DLC1: variants seen among roughly 807,000 people sequenced by gnomAD.
DLC1 encodes the protein rho GTPase-activating protein 7.
DLC1 carries 54 observed loss-of-function variants against 140.3 expected under a neutral mutation model. The observed-to-expected ratio is 0.38, with a 90% CI of 0.31 to 0.48. DLC1 has a LOEUF of 0.48. Among genes scored for constraint, DLC1 ranks in the 20% least tolerant of loss-of-function variants. The pLI, the probability that DLC1 is intolerant of heterozygous loss-of-function variation, is 0.96. For synonymous variants in DLC1, 986 were observed against 728.1 expected (o/e 1.35, Z -5.70); for missense variants, 2,536 against 1,907.0 (o/e 1.33, Z -6.14).
intron 5 of DLC1, among the ~76,000 whole-genome samples, chr8:13,181,275 A>T (rs1409176994): frequency 6.9e-6 from 1 of 145,724 alleles, no homozygotes; most frequent in African/African-American, 2.5e-5. Flanking sequence ...CAGCCTTCAC[A>T]TCTTTACTCA....
chr8:13,393,861 G>T (rs111521640), intron 3 of DLC1, among the ~76,000 whole-genome samples, 168 bp from the exon 4 acceptor site: 2 of 152,288 alleles, frequency 1.3e-5, no homozygotes, highest in East Asian at 3.9e-4. Context: ...TGCATTATTT[G>T]GTAAGAACCA....
chr8:13,180,536 G>T (rs1165196768), intron 5 of DLC1, among the ~76,000 whole-genome samples: 1 of 151,856 alleles, frequency 6.6e-6, no homozygotes, highest in Non-Finnish European at 1.5e-5. Flanking sequence ...ATGTACAATA[G>T]ACCATGGGTA....
intron 5 of DLC1, among the ~76,000 whole-genome samples, chr8:13,285,573 A>G (rs1285572224): frequency 2.0e-5 from 3 of 152,216 alleles, no homozygotes; most frequent in Non-Finnish European, 2.9e-5. Flanking sequence ...GCCCAACGTC[A>G]TAAGTCATTA....
rs564707183 is a variant in DLC1 at position 13,495,929 on chromosome 8, A to G, written c.1023+3120T>C. On this transcript the variant is annotated intron_variant, in intron 2 of 17. Coordinates refer to ENST00000276297, the MANE Select transcript of DLC1 (RefSeq NM_182643.3). ...TGACAAAAGAAATCAATGTGCACAA[A>G]TTTATTGAAGGATTTGATTCAATCA... Among the ~76,000 whole-genome samples, 3 of 152,338 alleles carry G rather than the reference A, an allele frequency of 2.0e-5. No homozygotes were observed. In the South Asian group the frequency reaches 6.2e-4, roughly 32 times the overall value.
chr8:13,535,698 C>G (rs1368533225), intron 1 of DLC1, among the ~76,000 whole-genome samples: 1 of 119,044 alleles, frequency 8.4e-6, no homozygotes, highest in Non-Finnish European at 1.7e-5. Flanking sequence ...AAGAAAACAA[C>G]AACCCTCCTC....
At chr8:13,387,489 A>C (rs1309913936) in intron 4 of DLC1, among the ~76,000 whole-genome samples, 1 of 146,398 alleles carries the variant, frequency 6.8e-6, no homozygotes, top group Non-Finnish European at 1.5e-5. Flanking sequence ...TAGAATTTCA[A>C]GATTTTTTTT....
intron 5 of DLC1, among the ~76,000 whole-genome samples, chr8:13,211,100 G>A (rs1024313431): frequency 1.2e-4 from 18 of 152,128 alleles, no homozygotes; most frequent in East Asian, 1.9e-4. Context: ...GAATTATCAC[G>A]TATTTGCTTA....
intron 5 of DLC1, among the ~76,000 whole-genome samples, chr8:13,247,919 T>G (rs1291426452): frequency 6.6e-6 from 1 of 152,224 alleles, no homozygotes; most frequent in Admixed American, 6.5e-5. Flanking sequence ...TATATTCATT[T>G]TAATGGGATG....
chr8:13,250,282 C>T (rs545951002), intron 5 of DLC1, among the ~76,000 whole-genome samples: 1 of 152,268 alleles, frequency 6.6e-6, no homozygotes, highest in African/African-American at 2.4e-5. Context: ...ATATTGTCCC[C>T]ATCTGCTCCA....
At chr8:13,189,550 T>C (rs935665743) in intron 5 of DLC1, among the ~76,000 whole-genome samples, 1 of 152,034 alleles carries the variant, frequency 6.6e-6, no homozygotes, top group African/African-American at 2.4e-5. Flanking sequence ...TAAAAATGTA[T>C]TCAGATCCAA....
chr8:13,474,196 T>G (rs1194206468), intron 2 of DLC1, among the ~76,000 whole-genome samples: 1 of 152,138 alleles, frequency 6.6e-6, no homozygotes, highest in African/African-American at 2.4e-5. Context: ...TCCCAGCTGC[T>G]CCAGCCATGA....
intron 4 of DLC1, among the ~76,000 whole-genome samples, chr8:13,319,821 CTT>C (rs57585674): frequency 1.1e-5 from 1 of 88,978 alleles, no homozygotes; most frequent in African/African-American, 4.6e-5. Context: ...CTCTCTCTCT[CTT>C]TTTTTTTTTT....
At chr8:13,579,318 TATATATATATATA>T (rs1563453814) in intron 1 of DLC1, among the ~76,000 whole-genome samples, 74 of 5,474 alleles carry the variant, frequency 0.014, 12 homozygotes, top group Non-Finnish European at 0.012. Context: ...TCTGACTTTA[TATATATATATATA>T]TATATATATA....
At chr8:13,247,102 A>T (rs923576612) in intron 5 of DLC1, among the ~76,000 whole-genome samples, 1 of 152,242 alleles carries the variant, frequency 6.6e-6, no homozygotes, top group Non-Finnish European at 1.5e-5. Flanking sequence ...GCTGCTTTTT[A>T]TAAGTATTTA....
chr8:13,584,807 C>G (rs982596589), intron 1 of DLC1, among the ~76,000 whole-genome samples: 34 of 152,298 alleles, frequency 2.2e-4, no homozygotes, highest in African/African-American at 8.2e-4. Context: ...TGTGCACACA[C>G]CCAGGCTCTT....
chr8:13,099,515 G>A lies in DLC1; in HGVS notation c.2822C>T (p.Ser941Phe). Reference protein sequence around the residue: ...GDSDSALDSVSPCPSSPKQIH... With the variant: ...GDSDSALDSVFPCPSSPKQIH... Reference sequence around the variant, plus strand: ...CTGTTTTGGAGAGGACGGGCAGGGAGAGACCGAGTCCAGGGCTGAGTCCGA... The same window carrying A: ...CTGTTTTGGAGAGGACGGGCAGGGAAAGACCGAGTCCAGGGCTGAGTCCGA... The change falls in exon 9 of 18, where the codon TCT (serine) becomes TTT (phenylalanine). Residue 941 changes from serine (S) to phenylalanine (F), a missense_variant. By Grantham distance (155) the Ser-to-Phe change is radical. Coordinates refer to ENST00000276297, the MANE Select transcript of DLC1 (RefSeq NM_182643.3). The A allele has an allele frequency of 6.2e-7, 1 of 1,614,178 alleles. No homozygotes were observed. Among genetic ancestry groups the A allele is most frequent in the Non-Finnish European group, 8.5e-7 (1 of 1,180,046 alleles).
chr8:13,209,881 C>A (rs1827856108), intron 5 of DLC1, among the ~76,000 whole-genome samples: 1 of 152,106 alleles, frequency 6.6e-6, no homozygotes, highest in Admixed American at 6.6e-5. Context: ...CCAATTAAAC[C>A]TCTTTTTTTG....
intron 4 of DLC1, among the ~76,000 whole-genome samples, chr8:13,360,773 AT>A (rs1395201237): frequency 6.6e-6 from 1 of 152,188 alleles, no homozygotes; most frequent in Non-Finnish European, 1.5e-5. Flanking sequence ...AAAAAATAAA[AT>A]TCATAATCTT....
intron 4 of DLC1, among the ~76,000 whole-genome samples, chr8:13,316,003 A>C (rs1832847430): frequency 6.6e-6 from 1 of 152,224 alleles, no homozygotes; most frequent in Non-Finnish European, 1.5e-5. Context: ...AAGACTACTA[A>C]GTGATAAACA....
Sources: gnomAD v4.1 joint callset for allele counts (sites outside exome capture counted in the v4.1 genomes callset) on GRCh38, gnomAD v4.1.1 for gene constraint, MANE v1.5 for transcripts, NCBI Gene and HGNC (gene_info 2026-07-23, HGNC 2026-07-21) for gene names.